Variants in ADGRV1 observed in about 807,000 individuals in gnomAD.
ADGRV1 encodes the protein adhesion G protein-coupled receptor V1.
A neutral mutation model predicts 596.2 loss-of-function variants in ADGRV1; 359 were observed. The ratio of observed to expected loss-of-function variants is 0.60; its 90% confidence interval spans 0.55 to 0.66. The LOEUF (loss-of-function observed/expected upper bound fraction) is 0.66, where lower values mean the gene tolerates loss of function less well. ADGRV1 is among the 30% of genes least tolerant of loss of function. ADGRV1 has a pLI of 0.00. For synonymous variants in ADGRV1, 2,681 were observed against 2,679.2 expected, an observed-to-expected ratio of 1.00 and a Z score of -0.02; for missense variants, 7,274 against 7,575.6, an observed-to-expected ratio of 0.96 and a Z score of 1.48.
intron 83 of ADGRV1, among the ~76,000 whole-genome samples, chr5:90,931,990 G>A (rs967369759): frequency 2.0e-5 from 3 of 152,170 alleles, no homozygotes; most frequent in African/African-American, 7.2e-5. Flanking sequence ...TCTAGCTTTA[G>A]ATTTTTACTT....
chr5:90,704,344 T>C (rs752263876), intron 35 of ADGRV1, 45 bp from the exon 36 acceptor site: 20 of 1,136,502 alleles, frequency 1.8e-5, no homozygotes, highest in South Asian at 4.3e-5. Flanking sequence ...AGATAGTTCA[T>C]ATTCAATAAC....
intron 1 of ADGRV1, among the ~76,000 whole-genome samples, chr5:90,602,975 C>T (rs1027243303): frequency 7.2e-5 from 11 of 152,192 alleles, no homozygotes; most frequent in African/African-American, 2.4e-4. Flanking sequence ...TCTATCATTT[C>T]TTTTTCCTTT....
intron 87 of ADGRV1, 102 bp from the exon 88 acceptor site, chr5:91,149,928 A>G: frequency 2.1e-6 from 2 of 938,298 alleles, no homozygotes; most frequent in Middle Eastern, 3.4e-4. Flanking sequence ...GAATGGACCA[A>G]TACAACCATG....
chr5:90,619,889 A>T (rs1580474112), intron 4 of ADGRV1, among the ~76,000 whole-genome samples: 2 of 151,864 alleles, frequency 1.3e-5, no homozygotes, highest in African/African-American at 4.8e-5. Context: ...GCTGAGAATG[A>T]TGGTTTCCAG....
intron 29 of ADGRV1, among the ~76,000 whole-genome samples, chr5:90,687,558 G>C (rs567874704): frequency 6.6e-6 from 1 of 152,130 alleles, no homozygotes; most frequent in Non-Finnish European, 1.5e-5. Context: ...GGGCAATTAG[G>C]CAGGAGAATG....
At position 90,643,964 on chromosome 5, in the gene ADGRV1, A is replaced by T. The variant is rs368383633; in HGVS notation, c.2715A>T (p.Lys905Asn). 1.9e-6 allele frequency: 3 copies of T among 1,604,852 alleles called. No individual in the cohort carries two copies. The highest frequency in any genetic ancestry group is 2.6e-6 in the Non-Finnish European group (3 of 1,172,934). ...DGLIVMINES[K>N]GDAIYSAVYD... is the part of the protein sequence containing the mutation. ...TAATTGTGATGATAAATGAAAGCAA[A>T]GGAGATGCTATCTATAGTGGTAATT... is the stretch of plus-strand genomic sequence containing the variant. Residue 905 changes from lysine to asparagine, a missense_variant, in exon 14 of 90, where the codon AAA becomes AAT. Lys to Asn is a moderately conservative substitution (Grantham distance 94). This residue lies in a region of ADGRV1 where 1,715 missense variants were observed against 1,708.8 expected (regional missense o/e 1.00). Coordinates refer to ENST00000405460, the MANE Select transcript of ADGRV1 (RefSeq NM_032119.4).
intron 86 of ADGRV1, among the ~76,000 whole-genome samples, chr5:91,085,836 G>T (rs1235872936): frequency 1.3e-5 from 2 of 152,210 alleles, no homozygotes; most frequent in African/African-American, 4.8e-5. Flanking sequence ...TTACTGCCCT[G>T]CCTCTCTTCT....
At chr5:91,082,610 G>T (rs80152215) in intron 86 of ADGRV1, among the ~76,000 whole-genome samples, 1 of 152,104 alleles carries the variant, frequency 6.6e-6, no homozygotes, top group African/African-American at 2.4e-5. Context: ...TTTTTAAAAT[G>T]TATCTCTCTA....
chr5:90,699,283 A>G (rs1220639214), intron 34 of ADGRV1, among the ~76,000 whole-genome samples: 1 of 152,134 alleles, frequency 6.6e-6, no homozygotes, highest in Non-Finnish European at 1.5e-5. Context: ...ATTAAGGCAA[A>G]CAAAACAAAA....
chr5:90,808,724 A>G (rs1762139029), intron 73 of ADGRV1, among the ~76,000 whole-genome samples: 1 of 152,114 alleles, frequency 6.6e-6, no homozygotes, highest in Admixed American at 6.5e-5. Context: ...GCAAAACCCC[A>G]TCTCTACTTA....
chr5:90,562,511 C>G (rs1255322609), intron 1 of ADGRV1, among the ~76,000 whole-genome samples: 1 of 152,184 alleles, frequency 6.6e-6, no homozygotes, highest in African/African-American at 2.4e-5. Context: ...TTTTCCGATT[C>G]TACTGTGACA....
intron 85 of ADGRV1, among the ~76,000 whole-genome samples, chr5:91,003,523 A>G (rs1177075697): frequency 1.3e-5 from 2 of 152,160 alleles, no homozygotes; most frequent in Non-Finnish European, 2.9e-5. Flanking sequence ...ACTTGACATA[A>G]TTCTGTTCAG....
Position 90,979,385 on chromosome 5 carries a change from A to T in ADGRV1, c.17974-5959A>T, listed in dbSNP as rs181408829. ...GGGTTTCCCTATGTTGCCCAGGCTGATCTGGAACTCCTGGGATTAAGCAGT... is the reference window on the plus strand; with the variant it reads ...GGGTTTCCCTATGTTGCCCAGGCTGTTCTGGAACTCCTGGGATTAAGCAGT... On this transcript the variant is annotated intron_variant, in intron 84 of 89. Coordinates refer to ENST00000405460, the MANE Select transcript of ADGRV1 (RefSeq NM_032119.4). 1.6e-3 allele frequency among the ~76,000 whole-genome samples: 249 copies of T among 152,128 alleles called. 1 individual carries two copies. The highest frequency in any genetic ancestry group is 5.7e-3 in the African/African-American group (235 of 41,524).
intron 42 of ADGRV1, among the ~76,000 whole-genome samples, chr5:90,716,201 A>G (rs1360011127): frequency 6.6e-6 from 1 of 152,106 alleles, no homozygotes; most frequent in Admixed American, 6.6e-5. Context: ...TCAATATTTG[A>G]TATTTGTTGT....
At chr5:91,085,614 A>AAGT (rs1296664845) in intron 86 of ADGRV1, among the ~76,000 whole-genome samples, 1 of 152,134 alleles carries the variant, frequency 6.6e-6, no homozygotes, top group African/African-American at 2.4e-5. Flanking sequence ...TTAGATGAGA[A>AAGT]AGTAAGTAGC....
At chr5:91,149,084 G>A (rs1327543878) in intron 87 of ADGRV1, among the ~76,000 whole-genome samples, 2 of 152,184 alleles carry the variant, frequency 1.3e-5, no homozygotes, top group African/African-American at 4.8e-5. Context: ...GCTCAGAGGT[G>A]GAAGGGACTT....
chr5:90,648,792 A>G (rs1768174021), intron 17 of ADGRV1, among the ~76,000 whole-genome samples: 1 of 152,232 alleles, frequency 6.6e-6, no homozygotes, highest in African/African-American at 2.4e-5. Context: ...CCTGTGAGGA[A>G]AATTTGAATT....
At chr5:91,118,705 C>T (rs779693785) in intron 87 of ADGRV1, among the ~76,000 whole-genome samples, 44 of 152,104 alleles carry the variant, frequency 2.9e-4, no homozygotes, top group Non-Finnish European at 5.7e-4. Context: ...GTTGTAACAC[C>T]TCTTACAGTG....
intron 85 of ADGRV1, among the ~76,000 whole-genome samples, chr5:91,020,053 G>A (rs1181671640): frequency 1.3e-5 from 2 of 151,056 alleles, no homozygotes; most frequent in African/African-American, 2.4e-5. Flanking sequence ...GAAATATAGT[G>A]TTTCTAACTT....
Sources: allele counts gnomAD v4.1 joint callset (sites outside exome capture counted in the v4.1 genomes callset), GRCh38; gene constraint gnomAD v4.1.1; regional missense constraint gnomAD v4.1.1; transcripts MANE v1.5; gene names NCBI Gene and HGNC (gene_info 2026-07-23, HGNC 2026-07-21).